The following SEMA5A variants were observed in gnomAD, a reference collection of about 807,000 sequenced individuals.
SEMA5A encodes the protein semaphorin-5A.
In SEMA5A, 55 loss-of-function variants were observed where a neutral mutation model predicts 135.5. The ratio of observed to expected loss-of-function variants is 0.41; its 90% CI spans 0.33 to 0.51. The LOEUF is 0.51. Ranked by LOEUF, SEMA5A falls within the 20% of genes least tolerant of loss-of-function variation. The pLI is 0.37. For synonymous variants in SEMA5A, 580 were observed against 546.5 expected, an observed-to-expected ratio of 1.06 and a Z score of -0.85; for missense variants, 1,290 against 1,419.9, an observed-to-expected ratio of 0.91 and a Z score of 1.47.
chr5:9,395,244 C>A (rs750507265), intron 2 of SEMA5A, among the ~76,000 whole-genome samples: 1 of 152,060 alleles, frequency 6.6e-6, no homozygotes, highest in African/African-American at 2.4e-5. Flanking sequence ...ACCATTGCTG[C>A]AGTACGGAAA....
At chr5:9,304,513 T>C (rs1751767155) in intron 5 of SEMA5A, among the ~76,000 whole-genome samples, 1 of 34,698 alleles carries the variant, frequency 2.9e-5, no homozygotes, top group African/African-American at 4.1e-5. Context: ...ATCTGCAAGA[T>C]CTAAAATAAT....
Position 9,062,909 on chromosome 5 carries a change from T to G in SEMA5A, c.2496A>C (p.Glu832Asp). 6.2e-7 allele frequency: 1 copy of G among 1,614,250 alleles called. No individual in the cohort carries two copies. Among genetic ancestry groups the G allele is most frequent in the Non-Finnish European group, 8.5e-7 (1 of 1,180,048 alleles). Reference sequence around the variant, plus strand: ...TACCTGGGCAGGGCAAAATGTTGCATTCCTGGTATTCCAGAGATGGGCCAA... The same window carrying G: ...TACCTGGGCAGGGCAAAATGTTGCAGTCCTGGTATTCCAGAGATGGGCCAA... Reference protein sequence around the residue: ...PCLGPSLEYQECNILPCPVDG... With the variant: ...PCLGPSLEYQDCNILPCPVDG... The change falls in exon 18 of 23, where the codon GAA becomes GAC. Residue 832 changes from glutamate (E) to aspartate (D), a missense_variant. Around this residue, in one of 3 missense-constraint regions of SEMA5A, gnomAD observed 1,029 missense variants for 1,086.6 expected, o/e 0.95. Transcript: ENST00000382496.
At chr5:9,278,691 C>T (rs922485862) in intron 5 of SEMA5A, among the ~76,000 whole-genome samples, 4 of 152,210 alleles carry the variant, frequency 2.6e-5, no homozygotes, top group African/African-American at 9.6e-5. Context: ...CCCTGTATCA[C>T]ACATGCCCCA....
At chr5:9,431,137 A>G (rs962288922) in intron 2 of SEMA5A, among the ~76,000 whole-genome samples, 10 of 152,296 alleles carry the variant, frequency 6.6e-5, no homozygotes, top group African/African-American at 2.2e-4. Context: ...CCACTTGGGT[A>G]GGTACCTCAC....
intron 1 of SEMA5A, among the ~76,000 whole-genome samples, chr5:9,455,670 A>G (rs951434208): frequency 6.6e-6 from 1 of 152,240 alleles, no homozygotes; most frequent in African/African-American, 2.4e-5. Flanking sequence ...TTATAGTAAG[A>G]AATTGTGAGA....
intron 2 of SEMA5A, among the ~76,000 whole-genome samples, chr5:9,435,289 A>G (rs1384090903): frequency 1.3e-5 from 2 of 152,188 alleles, no homozygotes; most frequent in Non-Finnish European, 2.9e-5. Context: ...ACATTCAGAA[A>G]CTATATAAAA....
Position 9,123,258 on chromosome 5 carries a change from C to CAAAAAAAAAAAA in SEMA5A, c.1600-433_1600-422dup, listed in dbSNP as rs57533658. The stretch of plus-strand genomic sequence containing the variant: ...TGAGGGAAGGAGCGAGACTCCGCCT[C>CAAAAAAAAAAAA]AAAAAAAAAAAAAAAAAAAAAAAAA... On this transcript the variant is annotated intron_variant, in intron 13 of 22. Transcript: ENST00000382496. Among the ~76,000 whole-genome samples the CAAAAAAAAAAAA allele has an allele frequency of 1.3e-3, 49 of 38,942 alleles. 7 individuals carry two copies. The highest frequency in any genetic ancestry group is 1.7e-3 in the African/African-American group (26 of 15,436). The allele number at this position is 38,942 out of a possible 152,430, so 25.5% of individuals were successfully genotyped here.
At chr5:9,506,735 G>C (rs1488582853) in intron 1 of SEMA5A, among the ~76,000 whole-genome samples, 1 of 152,138 alleles carries the variant, frequency 6.6e-6, no homozygotes, top group African/African-American at 2.4e-5. Flanking sequence ...AGGCCAATAG[G>C]GAGCTTCCAG....
chr5:9,062,944 T>C lies in SEMA5A; in HGVS notation c.2461A>G (p.Met821Val). 5 of 1,614,230 alleles carry C rather than the reference T, an allele frequency of 3.1e-6. No individual in the cohort carries two copies. The highest frequency in any genetic ancestry group is 4.2e-6 in the Non-Finnish European group (5 of 1,180,034). ...TCCAGAGATGGGCCAAGGCAAGGCA[T>C]TCCCCCATACTTGGGTTCGGGGTTG... ...CNNPEPKYGGMPCLGPSLEYQ... is the reference protein window; with the variant it reads ...CNNPEPKYGGVPCLGPSLEYQ... Residue 821 changes from methionine (M) to valine (V), a missense_variant, in exon 18 of 23, where the codon ATG becomes GTG. Transcript: ENST00000382496.
intron 5 of SEMA5A, among the ~76,000 whole-genome samples, chr5:9,251,706 C>T (rs1456598707): frequency 1.3e-5 from 2 of 152,132 alleles, no homozygotes; most frequent in East Asian, 3.8e-4. Flanking sequence ...ATCCTGGAAT[C>T]AGACAATGTG....
chr5:9,310,802 C>CATATATATATATATATATAT (rs59096330), intron 5 of SEMA5A, among the ~76,000 whole-genome samples: 2 of 146,234 alleles, frequency 1.4e-5, no homozygotes, highest in Admixed American at 6.9e-5. Flanking sequence ...TGCATATATA[C>CATATATATATATATATATAT]ATATATATAT....
intron 1 of SEMA5A, among the ~76,000 whole-genome samples, chr5:9,514,396 C>T (rs982970446): frequency 6.6e-6 from 1 of 152,158 alleles, no homozygotes; most frequent in African/African-American, 2.4e-5. Flanking sequence ...CTATCACACC[C>T]TCCACAGCAG....
intron 3 of SEMA5A, among the ~76,000 whole-genome samples, chr5:9,367,858 T>A (rs902033042): frequency 1.3e-5 from 2 of 152,242 alleles, no homozygotes; most frequent in African/African-American, 4.8e-5. Context: ...TAACATCTGG[T>A]TGTTAAAAAA....
chr5:9,442,374 C>A (rs758200176), intron 1 of SEMA5A, among the ~76,000 whole-genome samples: 1 of 152,186 alleles, frequency 6.6e-6, no homozygotes, highest in East Asian at 1.9e-4. Context: ...GGAAGAAGCA[C>A]TGTCCACGTG....
intron 3 of SEMA5A, among the ~76,000 whole-genome samples, chr5:9,348,282 G>A (rs1753964357): frequency 6.6e-6 from 1 of 152,178 alleles, no homozygotes; most frequent in African/African-American, 2.4e-5. Context: ...AAGCTGATAA[G>A]TGCCTGGGTT....
At chr5:9,517,038 T>C (rs1345525579) in intron 1 of SEMA5A, 4 of 152,234 alleles carry the variant, frequency 2.6e-5, no homozygotes, top group African/African-American at 9.6e-5. Flanking sequence ...TTCATGACTA[T>C]CATATCAATC....
At chr5:9,477,113 T>TTC (rs145236684) in intron 1 of SEMA5A, among the ~76,000 whole-genome samples, 69 of 148,672 alleles carry the variant, frequency 4.6e-4, no homozygotes, top group African/African-American at 9.6e-4. Context: ...CTCCTTCTCA[T>TTC]TCTCTCTCTC....
At chr5:9,512,164 C>A (rs910994143) in intron 1 of SEMA5A, 1 of 152,152 alleles carries the variant, frequency 6.6e-6, no homozygotes, top group Non-Finnish European at 1.5e-5. Flanking sequence ...AGCTCCACCT[C>A]CCTTGTCTCA....
At chr5:9,110,293 G>A (rs554207134) in intron 15 of SEMA5A, among the ~76,000 whole-genome samples, 1 of 152,186 alleles carries the variant, frequency 6.6e-6, no homozygotes, top group Non-Finnish European at 1.5e-5. Flanking sequence ...AGGAGTTGGT[G>A]CTTCATCTTG....
Sources: allele counts gnomAD v4.1 joint callset (sites outside exome capture counted in the v4.1 genomes callset), GRCh38; gene constraint gnomAD v4.1.1; regional missense constraint gnomAD v4.1.1; transcripts MANE v1.5; gene names NCBI Gene and HGNC (gene_info 2026-07-23, HGNC 2026-07-21).